Variants in SART3 observed in about 807,000 individuals in gnomAD.
SART3 encodes the protein spliceosome associated factor 3, U4/U6 recycling protein, also known as HIV-1 Tat-interacting protein of 110kDa.
In SART3, 44 loss-of-function variants were observed where a neutral mutation model predicts 122.3. The observed-to-expected ratio is 0.36, with a 90% CI of 0.28 to 0.46. The LOEUF (loss-of-function observed/expected upper bound fraction) is 0.46, where lower values mean the gene tolerates loss of function less well. Among genes scored for constraint, SART3 ranks in the 20% least tolerant of loss-of-function variants. The pLI, the probability that SART3 is intolerant of heterozygous loss-of-function variation, is 1.00. For missense variants in SART3, 1,101 were observed against 1,229.0 expected (o/e 0.90, Z 1.56); for synonymous variants, 442 against 454.0 (o/e 0.97, Z 0.34).
Position 108,559,008 on chromosome 12 carries a change from G to A in SART3, c.312+1835C>T, listed in dbSNP as rs950907209. Among the ~76,000 whole-genome samples the A allele has an allele frequency of 5.1e-5, 7 of 138,244 alleles. No individual in the cohort carries two copies. In the Admixed American group the frequency reaches 5.4e-4, roughly 11 times the overall value. 90.7% of individuals were successfully genotyped at this position (138,244 alleles called of 152,430 possible). A position where few individuals can be genotyped will look rare whatever the true frequency, so the allele number is the denominator to read the frequency against. ...AGATCGTGCCACTGCACTCCAGCCTGGGCCACAGAGCAAGACTCCGTCTCA... is the reference window on the plus strand; with the variant it reads ...AGATCGTGCCACTGCACTCCAGCCTAGGCCACAGAGCAAGACTCCGTCTCA... On this transcript the variant is annotated intron_variant, in intron 1 of 18. Transcript: ENST00000546815.
In SART3 at chr12:108,549,670, G is replaced by A. The variant is rs375882277; in HGVS notation, c.313-456C>T. The stretch of plus-strand genomic sequence containing the variant: ...AAAAATAAAAAGGTAATTTCATAAC[G>A]TCCTTTAGCACATGTGAGGTACACT... On this transcript the variant is annotated intron_variant, in intron 1 of 18. Coordinates refer to ENST00000546815, the MANE Select transcript of SART3 (RefSeq NM_014706.4). 5.3e-5 allele frequency among the ~76,000 whole-genome samples: 8 copies of A among 152,136 alleles called. No homozygotes were observed. In the East Asian group the frequency reaches 1.2e-3, roughly 22 times the overall value.
At chr12:108,549,441 T>C (rs568711369) in intron 1 of SART3, 3 of 513,006 alleles carry the variant, frequency 5.8e-6, no homozygotes, top group Admixed American at 6.5e-5. Context: ...CAGTTCCTGT[T>C]AGAAGACATT....
chr12:108,539,603 A>G (rs190379831), intron 6 of SART3, among the ~76,000 whole-genome samples: 1 of 152,248 alleles, frequency 6.6e-6, no homozygotes, highest in South Asian at 2.1e-4. Flanking sequence ...ACATACAATC[A>G]AATTCTTTTT....
intron 12 of SART3, 77 bp downstream of exon 12, chr12:108,535,282 G>A: frequency 8.8e-7 from 1 of 1,135,412 alleles, no homozygotes; most frequent in South Asian, 1.2e-5. Flanking sequence ...AGTCCAAGCT[G>A]GTAGGAGTCA....
Position 108,532,241 on chromosome 12 carries a change from G to A in SART3, c.1650C>T (p.Leu550=), listed in dbSNP as rs564646740. Residue 550 remains leucine, a synonymous_variant, in exon 13 of 19, where the codon CTC becomes CTT. Coordinates refer to ENST00000546815, the MANE Select transcript of SART3 (RefSeq NM_014706.4). ...TCCCACCTTCTGTCCTCTCCATGGTGAGTAACACTTCGCAGACGTGCTCTG... is the reference window on the plus strand; with the variant it reads ...TCCCACCTTCTGTCCTCTCCATGGTAAGTAACACTTCGCAGACGTGCTCTG... The part of the protein sequence containing the change: ...DYPEHVCEVL[L]TMERTEGSLE... The A allele has an allele frequency of 5.6e-6, 9 of 1,613,966 alleles. No individual in the cohort carries two copies. The East Asian group carries it at 1.8e-4, about 32-fold the overall frequency.
chr12:108,559,118 T>G (rs1428870579), intron 1 of SART3, among the ~76,000 whole-genome samples: 1 of 148,218 alleles, frequency 6.7e-6, no homozygotes, highest in African/African-American at 2.5e-5. Flanking sequence ...TCAGATGTAA[T>G]GGGTGGGACA....
chr12:108,547,526 T>C (rs926615230), intron 3 of SART3, among the ~76,000 whole-genome samples: 4 of 152,160 alleles, frequency 2.6e-5, no homozygotes, highest in Admixed American at 6.5e-5. Flanking sequence ...TACTTCAAAA[T>C]AAAAAGGTTT....
At chr12:108,535,858 G>A (rs979936346) in intron 11 of SART3, among the ~76,000 whole-genome samples, 1 of 151,092 alleles carries the variant, frequency 6.6e-6, no homozygotes, top group African/African-American at 2.4e-5. Context: ...TGTGACTTGG[G>A]CAAATTACTT....
chr12:108,536,476 T>G (rs780974094), intron 11 of SART3, 38 bp downstream of exon 11: 19 of 1,596,512 alleles, frequency 1.2e-5, no homozygotes, highest in Non-Finnish European at 1.5e-5. Context: ...TATTAAACAA[T>G]GATGGATGAA....
intron 16 of SART3, 26 bp downstream of exon 16, chr12:108,526,073 G>A (rs753824684): frequency 6.3e-6 from 10 of 1,580,100 alleles, no homozygotes; most frequent in Non-Finnish European, 8.7e-6. Context: ...ACAGATGAAA[G>A]GCATTCTTTT....
At chr12:108,542,766 T>C in intron 6 of SART3, 1 of 552,998 alleles carries the variant, frequency 1.8e-6, no homozygotes, top group Non-Finnish European at 3.4e-6. Context: ...AGGAAAGTGA[T>C]TACCTCTCGG....
At chr12:108,554,375 T>G (rs780084080) in intron 1 of SART3, among the ~76,000 whole-genome samples, 1 of 152,018 alleles carries the variant, frequency 6.6e-6, no homozygotes, top group African/African-American at 2.4e-5. Context: ...TATTAAAAAA[T>G]CAGAAATGTA....
At chr12:108,548,963 T>C (rs2029884910) in intron 2 of SART3, 125 bp downstream of exon 2, 1 of 1,456,502 alleles carries the variant, frequency 6.9e-7, no homozygotes, top group Non-Finnish European at 9.5e-7. Context: ...TCTGATGCGT[T>C]TTCTTCTTTC....
intron 6 of SART3, among the ~76,000 whole-genome samples, chr12:108,542,250 AT>A (rs2136680884): frequency 6.6e-6 from 1 of 152,310 alleles, no homozygotes; most frequent in South Asian, 2.1e-4. Context: ...ACAATTTCAA[AT>A]TCATCAAATT....
intron 1 of SART3, among the ~76,000 whole-genome samples, chr12:108,556,456 T>A (rs752834581): frequency 3.9e-5 from 6 of 152,184 alleles, no homozygotes; most frequent in Non-Finnish European, 5.9e-5. Context: ...TGCCAAAAGA[T>A]AATAATCAAT....
chr12:108,560,645 G>A (rs2030478660), intron 1 of SART3, 198 bp downstream of exon 1: 2 of 532,954 alleles, frequency 3.8e-6, no homozygotes, highest in Non-Finnish European at 6.6e-6. Context: ...GGGTCGTGGC[G>A]AGGATTCAAT....
At chr12:108,543,225 G>A (rs1873247522) in intron 5 of SART3, 73 bp from the exon 6 acceptor site, 3 of 1,573,536 alleles carry the variant, frequency 1.9e-6, no homozygotes, top group South Asian at 1.2e-5. Context: ...ATTAAGCCAT[G>A]AGACTCAGGT....
chr12:108,537,286 T>C (rs1872953422), intron 9 of SART3: 1 of 566,874 alleles, frequency 1.8e-6, no homozygotes, highest in African/African-American at 1.9e-5. Context: ...GGAGCCAGTA[T>C]AAACGATTAC....
At chr12:108,535,256 C>T (rs1317044893) in intron 12 of SART3, 103 bp downstream of exon 12, 1 of 866,504 alleles carries the variant, frequency 1.2e-6, no homozygotes, top group African/African-American at 1.7e-5. Flanking sequence ...AGAAAACAGC[C>T]CAGTTCTAAG....
Sources: allele counts gnomAD v4.1 joint callset (sites outside exome capture counted in the v4.1 genomes callset), GRCh38; gene constraint gnomAD v4.1.1; transcripts MANE v1.5; gene names NCBI Gene and HGNC (gene_info 2026-07-23, HGNC 2026-07-21).